Variants in CAPRIN2 observed in about 807,000 individuals in gnomAD.
The protein encoded by CAPRIN2 is caprin family member 2, also known as caprin-2.
CAPRIN2 carries 66 observed loss-of-function variants against 130.4 expected under a neutral mutation model. The ratio of observed to expected loss-of-function variants is 0.51; its 90% CI spans 0.42 to 0.62. The LOEUF is 0.62. Ranked by LOEUF, CAPRIN2 falls within the 20% of genes least tolerant of loss-of-function variation. CAPRIN2 has a pLI of 0.00. For synonymous variants in CAPRIN2, 471 were observed against 444.1 expected (o/e 1.06, Z -0.76); for missense variants, 1,185 against 1,246.6 (o/e 0.95, Z 0.74).
Position 30,753,617 on chromosome 12 carries a change from AG to A in CAPRIN2, c.146del (p.Pro49LeufsTer34). 6.2e-7 allele frequency: 1 copy of A among 1,614,200 alleles called. No homozygotes were observed. Among genetic ancestry groups the A allele is most frequent in the Non-Finnish European group, 8.5e-7 (1 of 1,180,034 alleles). On this transcript the variant is annotated frameshift_variant, in exon 1 of 17. Coordinates refer to ENST00000298892, the Ensembl canonical transcript of CAPRIN2. LOFTEE classifies it high-confidence loss of function. Reference sequence around the variant, plus strand: ...CCATTGAAACAGATGAGGCTGAAGGAGGTGGGGGAAAGTTAAGTATAAAATT... The same window carrying A: ...CCATTGAAACAGATGAGGCTGAAGGAGTGGGGGAAAGTTAAGTATAAAATT...
intron 8 of CAPRIN2, among the ~76,000 whole-genome samples, 156 bp from the exon 10 acceptor site, chr12:30,726,244 G>A (rs2060887589): frequency 1.3e-5 from 2 of 152,220 alleles, no homozygotes; most frequent in East Asian, 3.9e-4. Context: ...TTCTAAATAA[G>A]CAAACTTTAA....
intron 2 of CAPRIN2, among the ~76,000 whole-genome samples, chr12:30,743,748 C>G (rs1033373394): frequency 6.6e-6 from 1 of 152,258 alleles, no homozygotes; most frequent in Non-Finnish European, 1.5e-5. Flanking sequence ...ATAAGCACAC[C>G]GCATTTTTAG....
chr12:30,740,811 A>C (rs1215195668), intron 3 of CAPRIN2, among the ~76,000 whole-genome samples: 1 of 152,236 alleles, frequency 6.6e-6, no homozygotes, highest in African/African-American at 2.4e-5. Context: ...TCTCATACTC[A>C]GATGCCATTT....
At chr12:30,721,695 T>G (rs1277786884) in intron 11 of CAPRIN2, among the ~76,000 whole-genome samples, 1 of 152,180 alleles carries the variant, frequency 6.6e-6, no homozygotes, top group Non-Finnish European at 1.5e-5. Context: ...TATGTGGTTC[T>G]CAGAAGCCCA....
intron 6 of CAPRIN2, among the ~76,000 whole-genome samples, chr12:30,730,927 T>C (rs2137975652): frequency 6.6e-6 from 1 of 152,314 alleles, no homozygotes; most frequent in South Asian, 2.1e-4. Context: ...TTTTCTTTAC[T>C]GACTTTAGCA....
exon 7 of CAPRIN2, chr12:30,730,276 A>G (rs1255265731): frequency 5.0e-6 from 8 of 1,608,068 alleles, no homozygotes; most frequent in Non-Finnish European, 6.8e-6. Flanking sequence ...AAATTCCATT[A>G]GAGACTCTGG....
Position 30,710,531 on chromosome 12 carries a change from T to C in CAPRIN2, c.2666-61A>G. 1 of 1,601,698 alleles carries C rather than the reference T, an allele frequency of 6.2e-7. No homozygotes were observed. The highest frequency in any genetic ancestry group is 8.5e-7 in the Non-Finnish European group (1 of 1,174,780). ...AGCAGTTAGCTTTGAACACAATATT[T>C]AACATTAGTCGGCTACTGAAACAGA... On this transcript the variant is annotated intron_variant, in intron 16 of 16. Coordinates refer to ENST00000298892, the Ensembl canonical transcript of CAPRIN2. The surrounding 1 kb of genome is among the most constrained non-coding windows in gnomAD (Gnocchi z 4.8).
At position 30,742,927 on chromosome 12, in the gene CAPRIN2, A is replaced by G. The variant is rs150808966; in HGVS notation, c.484-1821T>C. 3.7e-3 allele frequency among the ~76,000 whole-genome samples: 567 copies of G among 152,296 alleles called. 9 individuals carry two copies. Among genetic ancestry groups the G allele is most frequent in the African/African-American group, 0.011 (461 of 41,568 alleles). On this transcript the variant is annotated intron_variant, in intron 2 of 16. Transcript: ENST00000298892. ...CTGCTACAGAAACAAGAATGAGCAG[A>G]TAACATTACCAGGATACACAGTCCT...
chr12:30,715,293 G>A (rs1268583596), intron 13 of CAPRIN2, 152 bp from the exon 16 acceptor site: 3 of 661,970 alleles, frequency 4.5e-6, no homozygotes, highest in East Asian at 5.4e-5. Context: ...TCATCTACAT[G>A]ACTCAAATAC....
At chr12:30,753,283 A>G in intron 1 of CAPRIN2, 61 bp downstream of exon 2, 1 of 1,412,054 alleles carries the variant, frequency 7.1e-7, no homozygotes, top group Non-Finnish European at 9.6e-7. Context: ...TCTGAAAGAA[A>G]AATGTCAGCT....
intron 15 of CAPRIN2, 72 bp downstream of exon 17, chr12:30,713,713 G>T (rs946119209): frequency 2.4e-6 from 2 of 847,762 alleles, no homozygotes; most frequent in Non-Finnish European, 3.9e-6. Context: ...ATGACTCTGC[G>T]ATATACTTCA....
intron 3 of CAPRIN2, among the ~76,000 whole-genome samples, chr12:30,739,528 C>G (rs139989076): frequency 6.6e-6 from 1 of 152,042 alleles, no homozygotes; most frequent in African/African-American, 2.4e-5. Flanking sequence ...TATAACAAAC[C>G]TGCACATATA....
intron 2 of CAPRIN2, among the ~76,000 whole-genome samples, chr12:30,743,122 T>A (rs1350364769): frequency 1.2e-5 from 1 of 86,804 alleles, no homozygotes; most frequent in African/African-American, 4.5e-5. Flanking sequence ...GTATCCCCCC[T>A]CCCCCCGCCC....
chr12:30,715,325 A>G (rs2057141885), intron 13 of CAPRIN2, 184 bp from the exon 16 acceptor site: 1 of 657,262 alleles, frequency 1.5e-6, no homozygotes, highest in African/African-American at 1.8e-5. Context: ...ATATAATGGA[A>G]TATTATTCAG....
chr12:30,710,325 T>C lies in CAPRIN2; in HGVS notation c.2811A>G (p.Val937=), dbSNP rs756917174. 1 of 1,614,186 alleles carries C rather than the reference T, an allele frequency of 6.2e-7. No homozygotes were observed. Among genetic ancestry groups the C allele is most frequent in the Non-Finnish European group, 8.5e-7 (1 of 1,180,038 alleles). ...TCTGCTGAGGCAGAGGGTAGACGTG[T>C]ACTGGCAGTATGGTGGCTGCTGGAT... The change falls in exon 17 of 17, where the codon GTA becomes GTG. Residue 937 remains valine, a synonymous_variant. Transcript: ENST00000298892. This position sits in a 1 kb window ranked among gnomAD's most constrained non-coding sequence, Gnocchi z 4.8.
exon 1 of CAPRIN2, chr12:30,753,669 A>G (rs763730943): frequency 3.7e-6 from 6 of 1,614,112 alleles, no homozygotes; most frequent in Admixed American, 3.3e-5. Context: ...CAGCCAGGCA[A>G]TAACTTCCCT....
intron 15 of CAPRIN2, chr12:30,711,895 A>G (rs1241051546): frequency 1.7e-6 from 1 of 582,892 alleles, no homozygotes; most frequent in Non-Finnish European, 3.2e-6. Context: ...GGAGAATACT[A>G]TGTAAAAGAT....
At position 30,753,561 on chromosome 12, in the gene CAPRIN2, T is replaced by C. The variant is rs2074990150; in HGVS notation, c.203A>G (p.Gln68Arg). 6.8e-6 allele frequency: 11 copies of C among 1,613,976 alleles called. No individual in the cohort carries two copies. The highest frequency in any genetic ancestry group is 9.3e-6 in the Non-Finnish European group (11 of 1,180,024). Residue 68 changes from glutamine to arginine, a missense_variant, in exon 1 of 17, where the codon CAG (glutamine) becomes CGG (arginine). This residue lies in a region of CAPRIN2 where 1,104 missense variants were observed against 1,104.3 expected (regional missense o/e 1.00). Coordinates refer to ENST00000298892, the Ensembl canonical transcript of CAPRIN2. The stretch of plus-strand genomic sequence containing the variant: ...CTCCTCTGAATGGCCTGAAGGTGAC[T>C]GGTAACCAAAAGGGGATGAAAAGAG...
At chr12:30,738,649 A>T (rs2065951492) in intron 3 of CAPRIN2, among the ~76,000 whole-genome samples, 1 of 152,252 alleles carries the variant, frequency 6.6e-6, no homozygotes, top group Admixed American at 6.5e-5. Context: ...AACTTTTGCA[A>T]ACTATGCATC....
Sources: allele counts gnomAD v4.1 joint callset (sites outside exome capture counted in the v4.1 genomes callset), GRCh38; gene constraint gnomAD v4.1.1; regional missense constraint gnomAD v4.1.1; non-coding constraint Gnocchi (gnomAD v3.1); transcripts MANE v1.5; gene names NCBI Gene and HGNC (gene_info 2026-07-23, HGNC 2026-07-21).